The following EYA3 variants were observed in gnomAD, a reference collection of about 807,000 sequenced individuals.
EYA3 encodes the protein protein phosphatase EYA3.
Under a neutral mutation model 80.0 loss-of-function variants are expected in EYA3, and 39 were observed. That is an observed-to-expected ratio of 0.49 (90% CI 0.38 to 0.64). EYA3 has a LOEUF of 0.64. Among genes scored for constraint, EYA3 ranks in the 30% least tolerant of loss-of-function variants. EYA3 has a pLI of 0.00. For missense variants in EYA3, 523 were observed against 676.1 expected (o/e 0.77, Z 2.51); for synonymous variants, 206 against 232.8 (o/e 0.88, Z 1.05).
chr1:28,083,184 C>T (rs1156832984), intron 1 of EYA3, among the ~76,000 whole-genome samples: 2 of 152,178 alleles, frequency 1.3e-5, no homozygotes, highest in Admixed American at 6.6e-5. Flanking sequence ...AGTTACATAA[C>T]TTCTGTACCT....
At chr1:28,006,934 CTTTTTTTT>C (rs58401673) in intron 10 of EYA3, among the ~76,000 whole-genome samples, 5 of 91,998 alleles carry the variant, frequency 5.4e-5, no homozygotes, top group Non-Finnish European at 8.0e-5. Flanking sequence ...ATGACATAAT[CTTTTTTTT>C]TTTTTTTTTT....
At position 28,009,669 on chromosome 1, in the gene EYA3, A is replaced by AACAACAAC. The variant is rs377723253; in HGVS notation, c.909+1277_909+1278insGTTGTTGT. Among the ~76,000 whole-genome samples, 3,585 of 142,000 alleles carry AACAACAAC rather than the reference A, an allele frequency of 0.025. 81 individuals carry two copies. The highest frequency in any genetic ancestry group is 0.066 in the East Asian group (341 of 5,132). 93.2% of individuals were successfully genotyped at this position (142,000 alleles called of 152,430 possible). On this transcript the variant is annotated intron_variant, in intron 10 of 17. Coordinates refer to ENST00000373871, the MANE Select transcript of EYA3 (RefSeq NM_001990.4). The surrounding 1 kb of genome is among the most constrained non-coding windows in gnomAD (Gnocchi z 4.8). ...ACAACAACAACAACAACAACAACAA[A>AACAACAAC]AAACCATTATGGTAAATGAAATAAG... is the stretch of plus-strand genomic sequence containing the variant.
rs1571945733 is a variant in EYA3 at position 28,068,810 on chromosome 1, T to C, written c.-68-10716A>G. 2.0e-5 allele frequency among the ~76,000 whole-genome samples: 3 copies of C among 152,286 alleles called. No homozygotes were observed. In the Middle Eastern group the frequency reaches 0.01, roughly 518 times the overall value. ...TTTTTTTGTTTGTTTGTTTTTTGAT[T>C]TTTTGAGACAGGGTGGAGTACAGTG... On this transcript the variant is annotated intron_variant, in intron 1 of 17. Coordinates refer to ENST00000373871, the MANE Select transcript of EYA3 (RefSeq NM_001990.4).
At chr1:28,063,161 T>C (rs189026064) in intron 1 of EYA3, among the ~76,000 whole-genome samples, 20 of 152,026 alleles carry the variant, frequency 1.3e-4, no homozygotes, top group African/African-American at 4.1e-4. Flanking sequence ...TGCAGCTAAG[T>C]ATGTACAGAG....
At chr1:28,074,805 T>C (rs1286437550) in intron 1 of EYA3, among the ~76,000 whole-genome samples, 4 of 152,230 alleles carry the variant, frequency 2.6e-5, no homozygotes, top group African/African-American at 9.6e-5. Flanking sequence ...TAAGGTAATG[T>C]GACAACTCGA....
intron 10 of EYA3, among the ~76,000 whole-genome samples, chr1:28,007,334 TTTC>T (rs900193790): frequency 2.7e-5 from 4 of 150,452 alleles, no homozygotes; most frequent in African/African-American, 9.8e-5. Context: ...TCTTTCTTTC[TTTC>T]TTTTTTTTTT....
chr1:28,084,535 G>C (rs1340281383), intron 1 of EYA3, among the ~76,000 whole-genome samples: 2 of 118,960 alleles, frequency 1.7e-5, no homozygotes, highest in African/African-American at 6.3e-5. Flanking sequence ...ATGAACATCT[G>C]GGAAGCATTG....
intron 2 of EYA3, among the ~76,000 whole-genome samples, chr1:28,056,754 A>G (rs965478130): frequency 1.3e-5 from 2 of 152,208 alleles, no homozygotes; most frequent in Non-Finnish European, 2.9e-5. Flanking sequence ...CACAATTCTC[A>G]TTACCTTAAA....
At chr1:28,046,754 A>G (rs997765050) in intron 3 of EYA3, among the ~76,000 whole-genome samples, 21 of 152,362 alleles carry the variant, frequency 1.4e-4, no homozygotes, top group African/African-American at 4.8e-4. Flanking sequence ...TGGTTTTGCT[A>G]GGCAAGTATG....
intron 10 of EYA3, among the ~76,000 whole-genome samples, chr1:28,010,224 C>T (rs1641592351): frequency 6.6e-6 from 1 of 152,144 alleles, no homozygotes; most frequent in Admixed American, 6.5e-5. Flanking sequence ...AATTTTAGCA[C>T]TCTGCATGAC....
chr1:28,054,620 A>G (rs1231436592), intron 2 of EYA3, among the ~76,000 whole-genome samples: 1 of 152,206 alleles, frequency 6.6e-6, no homozygotes, highest in Non-Finnish European at 1.5e-5. Flanking sequence ...TAAAGAAATG[A>G]GGACAAGGTG....
rs563933697 is a variant in EYA3, at chr1:28,018,353, G to A, written c.500-1114C>T. On this transcript the variant is annotated intron_variant, in intron 7 of 17. Transcript: ENST00000373871. The stretch of plus-strand genomic sequence containing the variant: ...GTTTTAATCAAAATCTCAATGACTA[G>A]CACTAACCAGTGACTTTTCTCAGGT... Among the ~76,000 whole-genome samples the A allele has an allele frequency of 2.6e-5, 4 of 152,248 alleles. No homozygotes were observed. The South Asian group carries it at 6.2e-4, about 24-fold the overall frequency.
intron 3 of EYA3, among the ~76,000 whole-genome samples, chr1:28,047,733 G>T (rs527648464): frequency 6.6e-6 from 1 of 151,048 alleles, no homozygotes; most frequent in South Asian, 2.1e-4. Context: ...CCACCTCCCA[G>T]GTTCACACCA....
chr1:27,977,948 C>T (rs1340466186), intron 17 of EYA3, among the ~76,000 whole-genome samples: 1 of 151,956 alleles, frequency 6.6e-6, no homozygotes, highest in African/African-American at 2.4e-5. Context: ...TTCCAGGGCT[C>T]AAAGGCAGGA....
At chr1:27,993,208 A>T (rs1047342165) in intron 14 of EYA3, among the ~76,000 whole-genome samples, 192 bp downstream of exon 14, 1 of 152,182 alleles carries the variant, frequency 6.6e-6, no homozygotes, top group African/African-American at 2.4e-5. Context: ...TGCTTAGAGA[A>T]GCCCGTTAGA....
chr1:28,034,014 T>A (rs1643307136), intron 6 of EYA3, among the ~76,000 whole-genome samples: 3 of 151,578 alleles, frequency 2.0e-5, no homozygotes, highest in Admixed American at 2.0e-4. Context: ...GCCAAAATGG[T>A]GAAACCCTGT....
At chr1:28,025,491 G>A (rs556259461) in intron 7 of EYA3, among the ~76,000 whole-genome samples, 4 of 152,294 alleles carry the variant, frequency 2.6e-5, no homozygotes, top group South Asian at 2.1e-4. Context: ...CTATGGATAA[G>A]CTACTTAGCT....
In EYA3 at chr1:27,973,758, G is replaced by A. The variant is rs1359959769; in HGVS notation, c.*708C>T. 6.6e-6 allele frequency: 1 copy of A among 152,186 alleles called. No homozygotes were observed. Among genetic ancestry groups the A allele is most frequent in the Non-Finnish European group, 1.5e-5 (1 of 68,046 alleles). 9.4% of individuals were successfully genotyped at this position (152,186 alleles called of 1,614,324 possible). A position where few individuals can be genotyped will look rare whatever the true frequency, so the allele number is the denominator to read the frequency against. On this transcript the variant is annotated 3_prime_UTR_variant, in exon 18 of 18. Coordinates refer to ENST00000373871, the MANE Select transcript of EYA3 (RefSeq NM_001990.4). ...GCAGACCACTGGAGCAGCTATAGAG[G>A]TGCTACTGCCACAGGGAGGTATTTT...
intron 1 of EYA3, among the ~76,000 whole-genome samples, chr1:28,085,074 G>C (rs1645602024): frequency 6.6e-6 from 1 of 152,098 alleles, no homozygotes; most frequent in African/African-American, 2.4e-5. Context: ...AAACAGCTTA[G>C]GCACAGCACA....
Sources: gnomAD v4.1 joint callset for allele counts (sites outside exome capture counted in the v4.1 genomes callset) on GRCh38, gnomAD v4.1.1 for gene constraint, Gnocchi (gnomAD v3.1) non-coding constraint, MANE v1.5 for transcripts, NCBI Gene and HGNC (gene_info 2026-07-23, HGNC 2026-07-21) for gene names.